ESRRB: variants seen among roughly 807,000 people sequenced by gnomAD.
The protein encoded by ESRRB is steroid hormone receptor ERR2.
A neutral mutation model predicts 46.0 loss-of-function variants in ESRRB; 16 were observed. That is an observed-to-expected ratio of 0.35 (90% CI 0.24 to 0.53). ESRRB has a LOEUF of 0.53. Among genes scored for constraint, ESRRB ranks in the 20% least tolerant of loss-of-function variants. The pLI is 0.93. For missense variants in ESRRB, 488 were observed against 607.4 expected, an observed-to-expected ratio of 0.80 and a Z score of 2.07; for synonymous variants, 246 against 259.6, an observed-to-expected ratio of 0.95 and a Z score of 0.50.
intron 1 of ESRRB, among the ~76,000 whole-genome samples, chr14:76,344,448 A>G (rs1884225357): frequency 1.3e-5 from 2 of 151,930 alleles, no homozygotes; most frequent in East Asian, 1.9e-4. Flanking sequence ...CAAGCCCCCA[A>G]ACTCCATTGT....
intron 2 of ESRRB, among the ~76,000 whole-genome samples, chr14:76,441,550 G>A (rs1284508428): frequency 6.6e-6 from 1 of 152,150 alleles, no homozygotes; most frequent in African/African-American, 2.4e-5. Flanking sequence ...GGGCTCAAAT[G>A]ATCCACTTGG....
intron 1 of ESRRB, among the ~76,000 whole-genome samples, chr14:76,438,187 G>T (rs1042430990): frequency 6.6e-6 from 1 of 152,118 alleles, no homozygotes; most frequent in Admixed American, 6.5e-5. Flanking sequence ...CTGGACCAGT[G>T]GCAAAACCCA....
At chr14:76,371,989 G>T (rs920490158), upstream of ESRRB, among the ~76,000 whole-genome samples, 1 of 152,170 alleles carries the variant, frequency 6.6e-6, no homozygotes. Flanking sequence ...GCTGCCTCAA[G>T]AGAGGGAAGA....
chr14:76,372,543 G>A (rs1353581972), upstream of ESRRB, among the ~76,000 whole-genome samples: 1 of 152,162 alleles, frequency 6.6e-6, no homozygotes, highest in Admixed American at 6.5e-5. Context: ...AGTAGGAAAA[G>A]CAGAGTGGCG....
At chr14:76,423,333 AG>A (rs1224320551) in intron 1 of ESRRB, among the ~76,000 whole-genome samples, 1 of 151,936 alleles carries the variant, frequency 6.6e-6, no homozygotes, top group Non-Finnish European at 1.5e-5. Context: ...TAGTAGAGAC[AG>A]GGTTTCACCA....
chr14:76,339,099 T>C (rs1433367009), intron 1 of ESRRB, among the ~76,000 whole-genome samples: 1 of 152,218 alleles, frequency 6.6e-6, no homozygotes, highest in Non-Finnish European at 1.5e-5. Context: ...ATGAGTATCA[T>C]GAATTTATTA....
chr14:76,493,471 G>A (rs1890306118), intron 6 of ESRRB, among the ~76,000 whole-genome samples: 1 of 152,174 alleles, frequency 6.6e-6, no homozygotes, highest in African/African-American at 2.4e-5. Flanking sequence ...GCTTTTGTGA[G>A]TATTAAAGAT....
chr14:76,496,956 C>T (rs769360098), intron 6 of ESRRB, among the ~76,000 whole-genome samples: 4 of 152,250 alleles, frequency 2.6e-5, no homozygotes, highest in African/African-American at 4.8e-5. Context: ...GCCATCGATA[C>T]AGACCGGCTG....
chr14:76,330,553 C>A (rs1311718651), intron 1 of ESRRB, among the ~76,000 whole-genome samples: 1 of 152,170 alleles, frequency 6.6e-6, no homozygotes, highest in Non-Finnish European at 1.5e-5. Flanking sequence ...TGACCACTTC[C>A]TGGAGTAAGA....
chr14:76,369,968 C>T (rs1204476228), upstream of ESRRB, among the ~76,000 whole-genome samples: 4 of 152,198 alleles, frequency 2.6e-5, no homozygotes, highest in Admixed American at 2.6e-4. Flanking sequence ...CTTTCTGTGG[C>T]CATTGCTGAC....
At position 76,338,875 on chromosome 14, in the gene ESRRB, G is replaced by A. The variant is rs549229276; in HGVS notation, c.2+27959G>A. ...GGAGAATCTCTTGAACCAGGGAGGTGGAGGTTGCAGTGAGCCAAGATTGTG... is the reference window on the plus strand; with the variant it reads ...GGAGAATCTCTTGAACCAGGGAGGTAGAGGTTGCAGTGAGCCAAGATTGTG... On this transcript the variant is annotated intron_variant, in intron 1 of 6. Coordinates refer to the ESRRB transcript ENST00000512784. Among the ~76,000 whole-genome samples, 13 of 152,292 alleles carry A rather than the reference G, an allele frequency of 8.5e-5. No individual in the cohort carries two copies. The South Asian group carries it at 2.5e-3, about 29-fold the overall frequency.
At chr14:76,488,095 C>T (rs538583812) in intron 5 of ESRRB, among the ~76,000 whole-genome samples, 1 of 152,244 alleles carries the variant, frequency 6.6e-6, no homozygotes, top group East Asian at 1.9e-4. Flanking sequence ...CCTCCCATTC[C>T]GACCTCCTAA....
At position 76,498,283 on chromosome 14, in the gene ESRRB, A is replaced by G; in HGVS notation, c.1190A>G (p.Asp397Gly). Residue 397 changes from aspartate to glycine, a missense_variant, in exon 7 of 7, where the codon GAC (aspartate) becomes GGC (glycine). Transcript: ENST00000644823. ...GACCTGCTGCACGAGGCACTGCAGG[A>G]CTACGAGCTGAGCCAGCGCCATGAG... is the stretch of plus-strand genomic sequence containing the variant. ...LQDLLHEALQ[D>G]YELSQRHEEP... is the part of the protein sequence containing the mutation. 11 of 1,613,794 alleles carry G rather than the reference A, an allele frequency of 6.8e-6. No individual in the cohort carries two copies. Among genetic ancestry groups the G allele is most frequent in the Non-Finnish European group, 8.5e-6 (10 of 1,179,990 alleles).
Position 76,440,657 on chromosome 14 carries a change from T to TTTCC in ESRRB, c.460+930_460+933dup, listed in dbSNP as rs566921340. On this transcript the variant is annotated intron_variant, in intron 2 of 6. Transcript: ENST00000644823. ...CCTATCTTTTAAGACCTGTATTTTC[T>TTTCC]TTCCTTCCTTCCTTCCTTCCTTCCT... is the stretch of plus-strand genomic sequence containing the variant. 9.0e-3 allele frequency among the ~76,000 whole-genome samples: 1,361 copies of TTTCC among 151,558 alleles called. 6 individuals carry two copies. Among genetic ancestry groups the TTTCC allele is most frequent in the Middle Eastern group, 0.014 (4 of 292 alleles).
At chr14:76,361,667 T>C (rs189459590) in intron 1 of ESRRB, among the ~76,000 whole-genome samples, 4 of 152,334 alleles carry the variant, frequency 2.6e-5, no homozygotes, top group Admixed American at 2.6e-4. Context: ...TCTTTTGAAC[T>C]GTGAAACTCC....
chr14:76,376,604 C>T lies in ESRRB; in HGVS notation c.50+153C>T, dbSNP rs1884776211. On this transcript the variant is annotated intron_variant, in intron 1 of 6. Transcript: ENST00000644823. This position sits in a 1 kb window ranked among gnomAD's most constrained non-coding sequence, Gnocchi z 4.1. ...GACGAAGGAGGGGAAAAGCCGCACA[C>T]TTCTGGGTTTCTTTCTAGGGCATAA... 6.6e-6 allele frequency among the ~76,000 whole-genome samples: 1 copy of T among 152,206 alleles called. No individual in the cohort carries two copies. The highest frequency in any genetic ancestry group is 6.5e-5 in the Admixed American group (1 of 15,278).
At chr14:76,483,700 C>A (rs1889896029) in intron 5 of ESRRB, among the ~76,000 whole-genome samples, 1 of 152,156 alleles carries the variant, frequency 6.6e-6, no homozygotes, top group South Asian at 2.1e-4. Flanking sequence ...TAGAAACATC[C>A]TTTTATCCTT....
At position 76,392,730 on chromosome 14, in the gene ESRRB, G is replaced by A. The variant is rs139252223; in HGVS notation, c.50+16279G>A. On this transcript the variant is annotated intron_variant, in intron 1 of 6. Transcript: ENST00000644823. ...ATGTGGCTCGGGGGCTGCCACCAGGGCCTCATCCCAGTATGGCTGTGGAGA... is the reference window on the plus strand; with the variant it reads ...ATGTGGCTCGGGGGCTGCCACCAGGACCTCATCCCAGTATGGCTGTGGAGA... Among the ~76,000 whole-genome samples the A allele has an allele frequency of 3.9e-3, 596 of 152,370 alleles. 5 individuals carry two copies. Among genetic ancestry groups the A allele is most frequent in the African/African-American group, 0.014 (576 of 41,594 alleles).
intron 1 of ESRRB, among the ~76,000 whole-genome samples, chr14:76,311,704 C>G (rs1042822048): frequency 1.3e-5 from 2 of 152,160 alleles, no homozygotes; most frequent in Non-Finnish European, 2.9e-5. Context: ...GCATCCTTCG[C>G]AAAGGAAGAA....
Sources: allele counts gnomAD v4.1 joint callset (sites outside exome capture counted in the v4.1 genomes callset), GRCh38; gene constraint gnomAD v4.1.1; non-coding constraint Gnocchi (gnomAD v3.1); transcripts MANE v1.5; gene names NCBI Gene and HGNC (gene_info 2026-07-23, HGNC 2026-07-21).